NRXN1: variants seen among roughly 807,000 people sequenced by gnomAD.
NRXN1 encodes the protein neurexin 1.
In NRXN1, 39 loss-of-function variants were observed where a neutral mutation model predicts 150.9. That is an observed-to-expected ratio of 0.26 (90% CI 0.20 to 0.34). The LOEUF (loss-of-function observed/expected upper bound fraction) is 0.34. NRXN1 is among the 10% of genes least tolerant of loss of function. The pLI is 1.00. For synonymous variants in NRXN1, 924 were observed against 757.0 expected, an observed-to-expected ratio of 1.22 and a Z score of -3.62; for missense variants, 1,815 against 1,949.9, an observed-to-expected ratio of 0.93 and a Z score of 1.30.
intron 21 of NRXN1, among the ~76,000 whole-genome samples, chr2:50,009,081 T>G (rs1465535062): frequency 2.6e-5 from 4 of 152,166 alleles, no homozygotes; most frequent in Non-Finnish European, 5.9e-5. Flanking sequence ...AATTAACAAC[T>G]AAGAAATTGC....
At chr2:50,296,108 G>C (rs2073528037) in intron 17 of NRXN1, among the ~76,000 whole-genome samples, 1 of 152,160 alleles carries the variant, frequency 6.6e-6, no homozygotes, top group African/African-American at 2.4e-5. Flanking sequence ...TATTCACTAT[G>C]ACTATATAAA....
intron 5 of NRXN1, among the ~76,000 whole-genome samples, chr2:50,732,379 G>C (rs1698207283): frequency 6.6e-6 from 1 of 152,050 alleles, no homozygotes; most frequent in Non-Finnish European, 1.5e-5. Context: ...AAATACTTCA[G>C]GCCAGGCCTG....
At chr2:50,376,779 A>T (rs11899640) in intron 17 of NRXN1, among the ~76,000 whole-genome samples, 85,762 of 151,872 alleles carry the variant, frequency 0.56, 26,452 homozygotes, top group East Asian at 0.92. Context: ...AGAATCACAG[A>T]TTTAGAGTTG....
chr2:50,378,629 G>C (rs1026771399), intron 17 of NRXN1, among the ~76,000 whole-genome samples: 5 of 152,164 alleles, frequency 3.3e-5, no homozygotes, highest in Admixed American at 1.3e-4. Flanking sequence ...GTATTAAATT[G>C]GGGGCTTTTT....
At chr2:50,059,172 G>C (rs1036049484) in intron 19 of NRXN1, among the ~76,000 whole-genome samples, 1 of 152,122 alleles carries the variant, frequency 6.6e-6, no homozygotes, top group Admixed American at 6.5e-5. Flanking sequence ...TCTAGGCTGA[G>C]GTGGTCTCAG....
intron 5 of NRXN1, among the ~76,000 whole-genome samples, chr2:50,776,551 T>G (rs1000946539): frequency 5.3e-5 from 8 of 151,346 alleles, no homozygotes; most frequent in African/African-American, 1.9e-4. Flanking sequence ...TTGAAACACT[T>G]TAACAAAATC....
intron 21 of NRXN1, among the ~76,000 whole-genome samples, chr2:49,966,363 A>C (rs867089624): frequency 3.3e-5 from 5 of 152,174 alleles, no homozygotes; most frequent in Non-Finnish European, 5.9e-5. Flanking sequence ...GCTAGACATG[A>C]CAATTTTTCT....
At chr2:50,755,120 C>T (rs892693796) in intron 5 of NRXN1, among the ~76,000 whole-genome samples, 20 of 151,770 alleles carry the variant, frequency 1.3e-4, no homozygotes, top group Non-Finnish European at 2.5e-4. Flanking sequence ...CTCCTGGCTC[C>T]CCGCCAGAGC....
In NRXN1 at chr2:50,190,253, GT is replaced by G. The variant is rs528758940; in HGVS notation, c.3546+46535del. 9.9e-5 allele frequency among the ~76,000 whole-genome samples: 15 copies of G among 152,182 alleles called. No homozygotes were observed. The East Asian group carries it at 2.1e-3, about 22-fold the overall frequency. ...TAAGAATATATTTCAACTATGAAAA[GT>G]TTTTTTCTATATATGTATTTTTTTC... is the stretch of plus-strand genomic sequence containing the variant. On this transcript the variant is annotated intron_variant, in intron 18 of 22. Coordinates refer to ENST00000401669, the MANE Select transcript of NRXN1 (RefSeq NM_001330078.2).
intron 22 of NRXN1, 126 bp from the exon 23 acceptor site, chr2:49,922,377 T>C: frequency 2.1e-6 from 2 of 967,954 alleles, no homozygotes; most frequent in Non-Finnish European, 3.2e-6. Flanking sequence ...ATGCTATTGA[T>C]AAATGTAGCC....
At chr2:50,447,022 T>C (rs1421596132) in intron 17 of NRXN1, among the ~76,000 whole-genome samples, 1 of 152,154 alleles carries the variant, frequency 6.6e-6, no homozygotes, top group East Asian at 1.9e-4. Flanking sequence ...TTTACCATAT[T>C]GCTACATTTT....
chr2:50,062,168 G>A (rs1002139109), intron 19 of NRXN1, among the ~76,000 whole-genome samples: 1 of 152,206 alleles, frequency 6.6e-6, no homozygotes, highest in African/African-American at 2.4e-5. Flanking sequence ...TATTTGTATA[G>A]ACTGAATGTT....
At position 50,053,416 on chromosome 2, in the gene NRXN1, C is replaced by T; in HGVS notation, c.3983G>A (p.Gly1328Asp). ...AGTTGTCATAGAGGAAGGCACTTCA[C>T]CAACCAGTCTCACATTTCCCACTAT... ...IAIVGNVRLV[G>D]EVPSSMTTES... The change falls in exon 21 of 23, where the codon GGT becomes GAT. Residue 1328 changes from glycine (G) to aspartate (D), a missense_variant. Gly to Asp is a moderately conservative substitution (Grantham distance 94, BLOSUM62 -1). This residue lies in a region of NRXN1 where 265 missense variants were observed against 307.1 expected (regional missense o/e 0.86). Transcript: ENST00000401669. The T allele has an allele frequency of 2.5e-6, 4 of 1,614,000 alleles. No individual in the cohort carries two copies. The highest frequency in any genetic ancestry group is 3.4e-6 in the Non-Finnish European group (4 of 1,179,932).
At chr2:50,324,498 C>G (rs951566026) in intron 17 of NRXN1, among the ~76,000 whole-genome samples, 4 of 152,124 alleles carry the variant, frequency 2.6e-5, no homozygotes, top group Non-Finnish European at 5.9e-5. Context: ...GTTCACTTTG[C>G]CATATACATG....
At chr2:50,025,733 C>A (rs1022468014) in intron 21 of NRXN1, among the ~76,000 whole-genome samples, 1 of 152,184 alleles carries the variant, frequency 6.6e-6, no homozygotes, top group Non-Finnish European at 1.5e-5. Context: ...TTTTTACAAT[C>A]ATCTTGCAAA....
At chr2:50,553,135 A>G in intron 8 of NRXN1, 110 bp from the exon 9 acceptor site, 2 of 792,442 alleles carry the variant, frequency 2.5e-6, no homozygotes, top group Non-Finnish European at 4.0e-6. Context: ...CACGATATTT[A>G]GTTAATTTTG....
In NRXN1 at chr2:50,207,167, G is replaced by T. The variant is rs146472406; in HGVS notation, c.3546+29622C>A. 1.2e-3 allele frequency among the ~76,000 whole-genome samples: 182 copies of T among 152,156 alleles called. 2 individuals are homozygous for T. In the East Asian group the frequency reaches 0.03, roughly 25 times the overall value. On this transcript the variant is annotated intron_variant, in intron 18 of 22. Coordinates refer to ENST00000401669, the MANE Select transcript of NRXN1 (RefSeq NM_001330078.2). ...TACGATGTGCTAGATTTCAGGAGAG[G>T]TAAGACACATTCACCAAACTATCTT...
chr2:50,334,064 G>A (rs1299791733), intron 17 of NRXN1, among the ~76,000 whole-genome samples: 1 of 151,526 alleles, frequency 6.6e-6, no homozygotes, highest in Non-Finnish European at 1.5e-5. Context: ...TGTGTGTCTG[G>A]CCCTCATTCA....
intron 18 of NRXN1, among the ~76,000 whole-genome samples, chr2:50,159,121 T>C (rs984013031): frequency 6.6e-6 from 1 of 152,120 alleles, no homozygotes; most frequent in Non-Finnish European, 1.5e-5. Flanking sequence ...ACCAATATTC[T>C]ATATACTTTT....
Sources: gnomAD v4.1 joint callset for allele counts (sites outside exome capture counted in the v4.1 genomes callset) on GRCh38, gnomAD v4.1.1 for gene constraint, gnomAD v4.1.1 regional missense constraint, MANE v1.5 for transcripts, NCBI Gene and HGNC (gene_info 2026-07-23, HGNC 2026-07-21) for gene names.